TRIM37: variants seen among roughly 807,000 people sequenced by gnomAD.
TRIM37 encodes the protein tripartite motif containing 37.
In TRIM37, 80 loss-of-function variants were observed where a neutral mutation model predicts 129.8. The observed-to-expected ratio is 0.62, with a 90% confidence interval of 0.51 to 0.74. The LOEUF (loss-of-function observed/expected upper bound fraction) is 0.74, where lower values mean the gene tolerates loss of function less well. Among genes scored for constraint, TRIM37 ranks in the 30% least tolerant of loss-of-function variants. The probability of loss-of-function intolerance (pLI) is 0.00; values close to 1 mark genes in which losing one functional copy is unlikely to be tolerated. For missense variants in TRIM37, 1,054 were observed against 1,176.5 expected (o/e 0.90, Z 1.52); for synonymous variants, 389 against 387.1 (o/e 1.00, Z -0.06).
chr17:59,063,168 C>CTT (rs1015376331), intron 10 of TRIM37, among the ~76,000 whole-genome samples: 1 of 141,276 alleles, frequency 7.1e-6, no homozygotes, highest in East Asian at 2.0e-4. Context: ...TTCTGTGTGG[C>CTT]TTTTTTTTTT....
chr17:59,025,836 T>C (rs2037192071), intron 19 of TRIM37, among the ~76,000 whole-genome samples: 1 of 152,330 alleles, frequency 6.6e-6, no homozygotes, highest in Middle Eastern at 3.4e-3. Flanking sequence ...TTGGTTTTAA[T>C]ATACCATTTG....
rs779555532 is a variant in TRIM37 at position 58,999,142 on chromosome 17, C to T, written c.*235G>A. 6.4e-4 allele frequency: 867 copies of T among 1,347,852 alleles called. 3 individuals carry two copies. The highest frequency in any genetic ancestry group is 7.7e-4 in the Non-Finnish European group (805 of 1,048,652). 83.5% of individuals were successfully genotyped at this position (1,347,852 alleles called of 1,614,324 possible). ...AATTTGCTAAATTAATAGAGAACTA[C>T]ATTGTTATTTCCTTACATTACAAAG... is the stretch of plus-strand genomic sequence containing the variant. On this transcript the variant is annotated 3_prime_UTR_variant, in exon 24 of 24. Coordinates refer to ENST00000262294, the MANE Select transcript of TRIM37 (RefSeq NM_015294.6).
chr17:58,996,888 C>T (rs995166306), downstream of TRIM37, among the ~76,000 whole-genome samples: 2 of 151,696 alleles, frequency 1.3e-5, no homozygotes, highest in Admixed American at 1.3e-4. Context: ...GCACTAAGGG[C>T]CTTCCCAATA....
intron 19 of TRIM37, among the ~76,000 whole-genome samples, chr17:59,018,693 A>C (rs2036229674): frequency 6.6e-6 from 1 of 152,126 alleles, no homozygotes; most frequent in Non-Finnish European, 1.5e-5. Flanking sequence ...CTACCGATTC[A>C]ACACAATTTC....
Position 59,028,461 on chromosome 17 carries a change from C to T in TRIM37, c.2211G>A (p.Met737Ile). The T allele has an allele frequency of 1.9e-6, 3 of 1,613,994 alleles. No homozygotes were observed. Among genetic ancestry groups the T allele is most frequent in the Non-Finnish European group, 2.5e-6 (3 of 1,180,028 alleles). Residue 737 changes from methionine (M) to isoleucine (I), a missense_variant, in exon 19 of 24, where the codon ATG (methionine) becomes ATA (isoleucine). Met to Ile is a conservative substitution (Grantham distance 10). This residue lies in a region of TRIM37 where 15 missense variants were observed against 31.4 expected (regional missense o/e 0.48). Coordinates refer to ENST00000262294, the MANE Select transcript of TRIM37 (RefSeq NM_015294.6). Reference protein sequence around the residue: ...ENSGRLQDLGMELLAKSSVAN... With the variant: ...ENSGRLQDLGIELLAKSSVAN... ...CAACTGATGACTTTGCCAGGAGTTCCATTCCCAAATCCTGCAATCTGCCAG... is the reference window on the plus strand; with the variant it reads ...CAACTGATGACTTTGCCAGGAGTTCTATTCCCAAATCCTGCAATCTGCCAG...
At chr17:59,017,112 C>A (rs1378264058) in intron 20 of TRIM37, among the ~76,000 whole-genome samples, 184 bp downstream of exon 20, 2 of 152,028 alleles carry the variant, frequency 1.3e-5, no homozygotes, top group Non-Finnish European at 2.9e-5. Context: ...CACGGTGAGC[C>A]AAGATCGCAC....
At chr17:59,070,783 T>G in intron 9 of TRIM37, 40 bp downstream of exon 9, 1 of 1,601,906 alleles carries the variant, frequency 6.2e-7, no homozygotes. Flanking sequence ...CATTTCCACA[T>G]AAATTTCAAA....
rs768214543 is a variant in TRIM37, at chr17:59,106,481, G to C, written c.-20C>G. 4.3e-5 allele frequency: 70 copies of C among 1,613,510 alleles called. No homozygotes were observed. Among genetic ancestry groups the C allele is most frequent in the Middle Eastern group, 1.7e-4 (1 of 6,058 alleles). On this transcript the variant is annotated 5_prime_UTR_variant, in exon 1 of 24. Transcript: ENST00000262294. ...ATCCATTGCCTCCGGCTCTCGGCGG[G>C]GCCGCTGGCGACCCGCAGGCTCCGC...
intron 19 of TRIM37, among the ~76,000 whole-genome samples, chr17:59,017,627 T>C (rs2036113597): frequency 6.7e-6 from 1 of 148,618 alleles, no homozygotes; most frequent in South Asian, 2.1e-4. Flanking sequence ...AGCAGAATCT[T>C]TTTTTTTTTT....
chr17:59,106,351 C>A, intron 1 of TRIM37, 90 bp downstream of exon 1: 1 of 1,531,962 alleles, frequency 6.5e-7, no homozygotes, highest in South Asian at 1.1e-5. Flanking sequence ...GGGTGCCCTA[C>A]TGGAGGGAGG....
chr17:59,066,410 G>C (rs2041923716), intron 9 of TRIM37, among the ~76,000 whole-genome samples: 1 of 152,132 alleles, frequency 6.6e-6, no homozygotes, highest in Non-Finnish European at 1.5e-5. Context: ...TATTTCCTGT[G>C]TTGTTGTTAC....
intron 4 of TRIM37, among the ~76,000 whole-genome samples, chr17:59,085,241 G>A (rs920148093): frequency 3.9e-5 from 6 of 151,994 alleles, no homozygotes; most frequent in Admixed American, 1.3e-4. Flanking sequence ...CATGAGAATC[G>A]CTTGAACCCG....
chr17:59,006,650 T>A (rs2034521003), intron 22 of TRIM37, among the ~76,000 whole-genome samples: 1 of 151,982 alleles, frequency 6.6e-6, no homozygotes, highest in Non-Finnish European at 1.5e-5. Flanking sequence ...GCACTTTGGG[T>A]GGCCAAGGCA....
At chr17:59,004,727 T>C (rs2034247506) in intron 22 of TRIM37, among the ~76,000 whole-genome samples, 1 of 152,194 alleles carries the variant, frequency 6.6e-6, no homozygotes. Flanking sequence ...TACCAAAGGT[T>C]ACTCAAGGAA....
In TRIM37 at chr17:59,028,738, A is replaced by T. The variant is rs1326638842; in HGVS notation, c.1949-15T>A. The T allele has an allele frequency of 6.2e-7, 1 of 1,613,826 alleles. No homozygotes were observed. The highest frequency in any genetic ancestry group is 1.3e-5 in the African/African-American group (1 of 75,036). ...AGAATATGATGCTTCAGAGAAATTGACAAGTCATGTTAACATAAACGTTAA... is the reference window on the plus strand; with the variant it reads ...AGAATATGATGCTTCAGAGAAATTGTCAAGTCATGTTAACATAAACGTTAA... On this transcript the variant is annotated splice_polypyrimidine_tract_variant and intron_variant, in intron 18 of 23. Coordinates refer to ENST00000262294, the MANE Select transcript of TRIM37 (RefSeq NM_015294.6).
chr17:59,021,468 T>C (rs1287903575), intron 19 of TRIM37, among the ~76,000 whole-genome samples: 1 of 152,180 alleles, frequency 6.6e-6, no homozygotes, highest in African/African-American at 2.4e-5. Flanking sequence ...TGAGATCCTG[T>C]CATTTGCAAC....
chr17:58,969,356 C>T, the TRIM37 span: 3 of 710,076 alleles, frequency 4.2e-6, no homozygotes, highest in Non-Finnish European at 7.7e-6. Context: ...CACAGATACC[C>T]TAATATTGCA....
At position 59,032,104 on chromosome 17, in the gene TRIM37, G is replaced by T. The variant is rs372068702; in HGVS notation, c.1754-14C>A. The T allele has an allele frequency of 6.2e-6, 10 of 1,611,924 alleles. No homozygotes were observed. The highest frequency in any genetic ancestry group is 2.2e-5 in the East Asian group (1 of 44,880). ...CATGGCTACTACCTGCAAAAGAGGC[G>T]TAGAAAATGATATATATATGCACAA... is the stretch of plus-strand genomic sequence containing the variant. On this transcript the variant is annotated splice_polypyrimidine_tract_variant and intron_variant, in intron 17 of 23. Coordinates refer to ENST00000262294, the MANE Select transcript of TRIM37 (RefSeq NM_015294.6).
At chr17:59,093,851 C>A (rs1431374295) in intron 2 of TRIM37, among the ~76,000 whole-genome samples, 1 of 152,086 alleles carries the variant, frequency 6.6e-6, no homozygotes, top group Admixed American at 6.5e-5. Context: ...GTTTTACATT[C>A]TCTGAATATT....
Sources: allele counts gnomAD v4.1 joint callset (sites outside exome capture counted in the v4.1 genomes callset), GRCh38; gene constraint gnomAD v4.1.1; regional missense constraint gnomAD v4.1.1; transcripts MANE v1.5; gene names NCBI Gene and HGNC (gene_info 2026-07-23, HGNC 2026-07-21).